TRDN: variants seen among roughly 807,000 people sequenced by gnomAD.
The protein encoded by TRDN is triadin, also known as triadin in skeletal muscle.
TRDN carries 161 observed loss-of-function variants against 149.7 expected under a neutral mutation model. That is an observed-to-expected ratio of 1.08 (90% confidence interval 0.95 to 1.23). The LOEUF is 1.23. Among genes scored for constraint, TRDN ranks in the 50% most tolerant of loss-of-function variants. TRDN has a pLI of 0.00. For synonymous variants in TRDN, 294 were observed against 250.5 expected (o/e 1.17, Z -1.64); for missense variants, 896 against 823.5 (o/e 1.09, Z -1.08).
At chr6:123,344,868 A>C (rs1780196626) in intron 21 of TRDN, among the ~76,000 whole-genome samples, 1 of 152,030 alleles carries the variant, frequency 6.6e-6, no homozygotes, top group Non-Finnish European at 1.5e-5. Context: ...GTCTTTTTGC[A>C]TTTCCACAAG....
At chr6:123,484,409 C>A (rs1777893455) in intron 9 of TRDN, among the ~76,000 whole-genome samples, 1 of 152,098 alleles carries the variant, frequency 6.6e-6, no homozygotes, top group Non-Finnish European at 1.5e-5. Context: ...TTCTAGAGTT[C>A]TTTTTCAATC....
intron 21 of TRDN, among the ~76,000 whole-genome samples, chr6:123,348,278 T>A (rs917491627): frequency 1.3e-5 from 2 of 152,134 alleles, no homozygotes; most frequent in Non-Finnish European, 2.9e-5. Flanking sequence ...GTAAATGTTG[T>A]GTAGAATATT....
rs914106919 is a variant in TRDN, at chr6:123,375,457, G to A, written c.1273+148C>T. On this transcript the variant is annotated intron_variant, in intron 19 of 40. Coordinates refer to ENST00000334268, the MANE Select transcript of TRDN (RefSeq NM_006073.4). Reference sequence around the variant, plus strand: ...GAATTCACGGAAAAGACAGGGATAAGTAATATTGCATATTCAGCACAACAA... The same window carrying A: ...GAATTCACGGAAAAGACAGGGATAAATAATATTGCATATTCAGCACAACAA... The A allele has an allele frequency of 6.4e-5, 39 of 611,460 alleles. 1 individual carries two copies. In the South Asian group the frequency reaches 7.1e-4, roughly 11 times the overall value. 37.9% of individuals were successfully genotyped at this position (611,460 alleles called of 1,614,324 possible).
Position 123,279,111 on chromosome 6 carries a change from G to T in TRDN, c.1511-29C>A, listed in dbSNP as rs181174576. 108 of 1,576,386 alleles carry T rather than the reference G, an allele frequency of 6.9e-5. No homozygotes were observed. In the Admixed American group the frequency reaches 1.5e-3, roughly 22 times the overall value. Reference sequence around the variant, plus strand: ...GAAAAAAGTAAAAAAATTATTAAAGGCTGAGTCATACAATTCTTATTAAAT... The same window carrying T: ...GAAAAAAGTAAAAAAATTATTAAAGTCTGAGTCATACAATTCTTATTAAAT... On this transcript the variant is annotated intron_variant, in intron 24 of 40. Coordinates refer to ENST00000334268, the MANE Select transcript of TRDN (RefSeq NM_006073.4).
At chr6:123,290,003 T>G (rs1478431737) in intron 24 of TRDN, among the ~76,000 whole-genome samples, 1 of 152,144 alleles carries the variant, frequency 6.6e-6, no homozygotes, top group Non-Finnish European at 1.5e-5. Flanking sequence ...TCAGGTAAGT[T>G]TACTGGGAGT....
At chr6:123,492,447 C>T (rs1778262348) in intron 9 of TRDN, among the ~76,000 whole-genome samples, 1 of 152,120 alleles carries the variant, frequency 6.6e-6, no homozygotes, top group African/African-American at 2.4e-5. Context: ...CATGTGATTT[C>T]TTCCTTACAG....
intron 14 of TRDN, among the ~76,000 whole-genome samples, chr6:123,384,215 C>T (rs1472443305): frequency 6.6e-6 from 1 of 152,046 alleles, no homozygotes; most frequent in Non-Finnish European, 1.5e-5. Flanking sequence ...TATGCAGTGG[C>T]CACTTCTACT....
intron 32 of TRDN, among the ~76,000 whole-genome samples, chr6:123,266,656 G>GTATTATATTATATATAT (rs1562237738): frequency 3.7e-5 from 1 of 27,266 alleles, no homozygotes; most frequent in African/African-American, 1.5e-4. Flanking sequence ...ATAATAATAT[G>GTATTATATTATATATAT]TATAATATGT....
At chr6:123,534,601 C>A (rs144071769) in intron 4 of TRDN, among the ~76,000 whole-genome samples, 1 of 152,104 alleles carries the variant, frequency 6.6e-6, no homozygotes, top group African/African-American at 2.4e-5. Flanking sequence ...GATTTGTTAC[C>A]TTTGATTGCT....
chr6:123,614,954 A>C (rs1785009499), intron 1 of TRDN, among the ~76,000 whole-genome samples: 1 of 152,196 alleles, frequency 6.6e-6, no homozygotes, highest in South Asian at 2.1e-4. Context: ...TAGCAAAAAC[A>C]AATAATAAAC....
intron 24 of TRDN, among the ~76,000 whole-genome samples, chr6:123,302,174 G>T (rs1368203406): frequency 1.3e-5 from 2 of 151,730 alleles, no homozygotes; most frequent in African/African-American, 4.8e-5. Flanking sequence ...AAACTAAATA[G>T]AGTAATCAAT....
chr6:123,472,184 T>C lies in TRDN; in HGVS notation c.854-7201A>G, dbSNP rs571393330. Among the ~76,000 whole-genome samples the C allele has an allele frequency of 3.3e-5, 5 of 152,230 alleles. No individual in the cohort carries two copies. In the South Asian group the frequency reaches 1.0e-3, roughly 32 times the overall value. On this transcript the variant is annotated intron_variant, in intron 9 of 40. Coordinates refer to ENST00000334268, the MANE Select transcript of TRDN (RefSeq NM_006073.4). ...ATCTGAGGTACCGGGTTCATCTCAC[T>C]AGGGAATGCCAGACAGTGGGCGCAG...
chr6:123,392,265 G>A (rs1384675669), intron 13 of TRDN, among the ~76,000 whole-genome samples: 2 of 152,034 alleles, frequency 1.3e-5, no homozygotes, highest in Non-Finnish European at 2.9e-5. Context: ...AAGAGCCCAT[G>A]GCCTCAAGCT....
chr6:123,350,118 T>C, intron 21 of TRDN: 2 of 973,368 alleles, frequency 2.1e-6, no homozygotes, highest in Non-Finnish European at 2.4e-6. Context: ...AAATGTTTAC[T>C]AACTGTGTTA....
intron 39 of TRDN, among the ~76,000 whole-genome samples, chr6:123,221,893 A>T (rs1446363591): frequency 6.6e-6 from 1 of 151,750 alleles, no homozygotes; most frequent in Non-Finnish European, 1.5e-5. Context: ...CTGGCTAAAG[A>T]TGAACATTTT....
chr6:123,474,768 A>T (rs1430534420), intron 9 of TRDN, among the ~76,000 whole-genome samples: 5 of 152,034 alleles, frequency 3.3e-5, no homozygotes, highest in African/African-American at 7.3e-5. Context: ...AGGATTAAGA[A>T]TCTCACTCAA....
intron 23 of TRDN, among the ~76,000 whole-genome samples, chr6:123,330,555 A>G (rs1779622060): frequency 6.6e-6 from 1 of 152,118 alleles, no homozygotes; most frequent in Non-Finnish European, 1.5e-5. Flanking sequence ...ATAAAAGCCG[A>G]TGAAAAGAAA....
At chr6:123,332,291 A>C (rs751735678) in intron 22 of TRDN, among the ~76,000 whole-genome samples, 8 of 128,284 alleles carry the variant, frequency 6.2e-5, no homozygotes, top group Non-Finnish European at 1.3e-4. Context: ...AAGCCAGTTT[A>C]TTTCTTTTAG....
chr6:123,635,750 T>G (rs2114756411), intron 1 of TRDN, among the ~76,000 whole-genome samples: 1 of 152,084 alleles, frequency 6.6e-6, no homozygotes, highest in African/African-American at 2.4e-5. Flanking sequence ...TTGGAAGTTG[T>G]TAAGAGCACC....
Sources: allele counts gnomAD v4.1 joint callset (sites outside exome capture counted in the v4.1 genomes callset), GRCh38; gene constraint gnomAD v4.1.1; transcripts MANE v1.5; gene names NCBI Gene and HGNC (gene_info 2026-07-23, HGNC 2026-07-21).